STK3: variants seen among roughly 807,000 people sequenced by gnomAD.
The protein encoded by STK3 is serine/threonine kinase 3.
In STK3, 41 loss-of-function variants were observed where a neutral mutation model predicts 58.0. The ratio of observed to expected loss-of-function variants is 0.71; its 90% CI spans 0.55 to 0.92. The LOEUF (loss-of-function observed/expected upper bound fraction) is 0.92. Ranked by LOEUF, STK3 falls within the 40% of genes least tolerant of loss-of-function variation. The pLI, the probability that STK3 is intolerant of heterozygous loss-of-function variation, is 0.00. For synonymous variants in STK3, 170 were observed against 191.0 expected (o/e 0.89, Z 0.91); for missense variants, 479 against 602.7 (o/e 0.79, Z 2.15).
intron 4 of STK3, among the ~76,000 whole-genome samples, chr8:98,726,777 C>T (rs959797633): frequency 1.6e-4 from 24 of 152,080 alleles, no homozygotes; most frequent in Non-Finnish European, 3.2e-4. Flanking sequence ...CTTTAGCAAA[C>T]ATTTACTGCT....
chr8:98,445,426 T>C (rs1397406054), intron 1 of STK3, among the ~76,000 whole-genome samples: 1 of 152,148 alleles, frequency 6.6e-6, no homozygotes, highest in East Asian at 1.9e-4. Context: ...ATTTTAATAA[T>C]ATATTTCCAC....
At chr8:98,566,362 T>TC (rs1352865764) in intron 8 of STK3, among the ~76,000 whole-genome samples, 6 of 152,190 alleles carry the variant, frequency 3.9e-5, no homozygotes, top group African/African-American at 1.4e-4. Flanking sequence ...CCCTAATTTT[T>TC]CCCCAACTGC....
At position 98,479,673 on chromosome 8, in the gene STK3, T is replaced by C. The variant is rs991428645; in HGVS notation, c.1318-23673A>G. On this transcript the variant is annotated intron_variant, in intron 10 of 10. Transcript: ENST00000419617. Reference sequence around the variant, plus strand: ...ATTCTTCCCCCTCCACAAGAAAACATTTACAATGTCTGGGATGTAATCCAA... The same window carrying C: ...ATTCTTCCCCCTCCACAAGAAAACACTTACAATGTCTGGGATGTAATCCAA... 3.3e-5 allele frequency among the ~76,000 whole-genome samples: 5 copies of C among 152,194 alleles called. No individual in the cohort carries two copies. The East Asian group carries it at 9.7e-4, about 29-fold the overall frequency.
At chr8:98,744,620 A>G (rs1829507101) in intron 4 of STK3, among the ~76,000 whole-genome samples, 1 of 149,730 alleles carries the variant, frequency 6.7e-6, no homozygotes, top group Non-Finnish European at 1.5e-5. Context: ...ATTAGGAGAT[A>G]TACCTAATGC....
intron 6 of STK3, among the ~76,000 whole-genome samples, chr8:98,666,694 A>C (rs777462350): frequency 5.9e-5 from 9 of 152,192 alleles, no homozygotes; most frequent in Non-Finnish European, 7.4e-5. Context: ...TGTCTGGCTC[A>C]GTTTGCCTAT....
chr8:98,383,571 A>C (rs1169854049), intron 1 of STK3, among the ~76,000 whole-genome samples: 1 of 152,206 alleles, frequency 6.6e-6, no homozygotes, highest in Non-Finnish European at 1.5e-5. Flanking sequence ...AAACGTCCTG[A>C]TTTTAAAATT....
rs575273239 is a variant in STK3, at chr8:98,613,229, G to A, written c.685-17060C>T. 6.6e-5 allele frequency among the ~76,000 whole-genome samples: 10 copies of A among 152,182 alleles called. No individual in the cohort carries two copies. In the East Asian group the frequency reaches 1.9e-3, roughly 29 times the overall value. On this transcript the variant is annotated intron_variant, in intron 6 of 10. Coordinates refer to ENST00000419617, the MANE Select transcript of STK3 (RefSeq NM_006281.4). ...AGCTCCCTTCCCCTCTTAAAGTAAT[G>A]TCATAAACATTCACCTAAAACAGAA...
At chr8:98,917,090 C>T (rs1171246152) in intron 1 of STK3, among the ~76,000 whole-genome samples, 1 of 152,102 alleles carries the variant, frequency 6.6e-6, no homozygotes, top group African/African-American at 2.4e-5. Flanking sequence ...GCACAATGAG[C>T]AAGGGAGAGG....
At chr8:98,687,568 A>C (rs74789773) in intron 6 of STK3, among the ~76,000 whole-genome samples, 186 of 152,340 alleles carry the variant, frequency 1.2e-3, no homozygotes, top group Non-Finnish European at 2.2e-3. Context: ...AACCCATCAG[A>C]CTAACAGTAG....
In STK3 at chr8:98,672,748, A is replaced by C. The variant is rs551471215; in HGVS notation, c.684+33719T>G. Among the ~76,000 whole-genome samples the C allele has an allele frequency of 3.3e-5, 5 of 152,338 alleles. No homozygotes were observed. In the East Asian group the frequency reaches 9.6e-4, roughly 29 times the overall value. Reference sequence around the variant, plus strand: ...AGGGTTAAGATGATTTAATTTTCTCAAAGAAAAAAGTGAAAAGTTAGGTGG... The same window carrying C: ...AGGGTTAAGATGATTTAATTTTCTCCAAGAAAAAAGTGAAAAGTTAGGTGG... On this transcript the variant is annotated intron_variant, in intron 6 of 10. Coordinates refer to ENST00000419617, the MANE Select transcript of STK3 (RefSeq NM_006281.4).
intron 2 of STK3, among the ~76,000 whole-genome samples, chr8:98,375,430 G>A (rs549478047): frequency 6.6e-6 from 1 of 152,228 alleles, no homozygotes; most frequent in African/African-American, 2.4e-5. Flanking sequence ...TTTAAAAACT[G>A]ATCCTTTCTT....
At chr8:98,579,279 T>G (rs553283080) in intron 8 of STK3, among the ~76,000 whole-genome samples, 3 of 152,324 alleles carry the variant, frequency 2.0e-5, no homozygotes, top group Admixed American at 6.5e-5. Flanking sequence ...CTAGGCCTTT[T>G]TATGTCCCAC....
intron 4 of STK3, among the ~76,000 whole-genome samples, chr8:98,741,871 A>G (rs561434853): frequency 6.6e-6 from 1 of 152,342 alleles, no homozygotes; most frequent in South Asian, 2.1e-4. Flanking sequence ...AGAATCAAAT[A>G]GAAGCAATAA....
chr8:98,828,581 A>G (rs1835413931), upstream of STK3, among the ~76,000 whole-genome samples: 1 of 151,958 alleles, frequency 6.6e-6, no homozygotes, highest in Non-Finnish European at 1.5e-5. Context: ...ACCCTGTTTC[A>G]AAAGAAAGAA....
At chr8:98,347,510 G>A in the STK3 span, among the ~76,000 whole-genome samples, 16 of 147,086 alleles carry the variant, frequency 1.1e-4, no homozygotes, top group Non-Finnish European at 1.6e-4. Flanking sequence ...GCGAGACTCC[G>A]TCTCAAAAAA....
intron 1 of STK3, among the ~76,000 whole-genome samples, chr8:98,915,034 T>A (rs1839291965): frequency 6.6e-6 from 1 of 152,144 alleles, no homozygotes; most frequent in Non-Finnish European, 1.5e-5. Context: ...AAAGTGTAGA[T>A]TAGACACCCA....
At chr8:98,781,497 T>A (rs1325731377) in intron 1 of STK3, among the ~76,000 whole-genome samples, 1 of 152,122 alleles carries the variant, frequency 6.6e-6, no homozygotes, top group Non-Finnish European at 1.5e-5. Context: ...CAAGGCAATT[T>A]ATCACAAAAT....
At chr8:98,858,142 G>A (rs1192847299) in intron 3 of STK3, among the ~76,000 whole-genome samples, 1 of 151,318 alleles carries the variant, frequency 6.6e-6, no homozygotes, top group Non-Finnish European at 1.5e-5. Context: ...CAGTCCTTGG[G>A]AGGCCGAGGT....
intron 1 of STK3, among the ~76,000 whole-genome samples, chr8:98,799,044 T>A (rs572331271): frequency 1.1e-3 from 163 of 152,160 alleles, no homozygotes; most frequent in Non-Finnish European, 2.2e-3. Context: ...TTTAGAACCA[T>A]GAGTAAATAA....
Sources: allele counts gnomAD v4.1 joint callset (sites outside exome capture counted in the v4.1 genomes callset), GRCh38; gene constraint gnomAD v4.1.1; transcripts MANE v1.5; gene names NCBI Gene and HGNC (gene_info 2026-07-23, HGNC 2026-07-21).